IGSF21: variants seen among roughly 807,000 people sequenced by gnomAD.
The protein encoded by IGSF21 is immunoglobin superfamily member 21, also known as immunoglobulin superfamily member 21.
IGSF21 carries 28 observed loss-of-function variants against 46.8 expected under a neutral mutation model. That is an observed-to-expected ratio of 0.60 (90% CI 0.44 to 0.82). The LOEUF (loss-of-function observed/expected upper bound fraction) is 0.82. Among genes scored for constraint, IGSF21 ranks in the 40% least tolerant of loss-of-function variants. IGSF21 has a pLI of 0.00. For missense variants in IGSF21, 624 were observed against 665.5 expected, an observed-to-expected ratio of 0.94 and a Z score of 0.69; for synonymous variants, 284 against 273.6, an observed-to-expected ratio of 1.04 and a Z score of -0.38.
At chr1:18,222,482 G>A (rs914727634) in intron 1 of IGSF21, among the ~76,000 whole-genome samples, 3 of 152,144 alleles carry the variant, frequency 2.0e-5, no homozygotes, top group East Asian at 1.9e-4. Context: ...GTGCCACCTC[G>A]CCCTGATCCA....
At chr1:18,377,318 G>A (rs1467923330) in intron 8 of IGSF21, 75 bp from the exon 9 acceptor site, 4 of 1,306,820 alleles carry the variant, frequency 3.1e-6, no homozygotes, top group African/African-American at 1.5e-5. Context: ...AGCAGGTGCT[G>A]GGTAAAGGGC....
At chr1:18,357,905 C>T (rs189238558) in intron 4 of IGSF21, among the ~76,000 whole-genome samples, 97 of 152,280 alleles carry the variant, frequency 6.4e-4, no homozygotes, top group African/African-American at 2.3e-3. Flanking sequence ...ATCGTCCATA[C>T]AACTGAAATC....
At position 18,118,900 on chromosome 1, in the gene IGSF21, T is replaced by TTCCCTCCC. The variant is rs1168588944; in HGVS notation, c.70+10716_70+10723dup. Among the ~76,000 whole-genome samples the TTCCCTCCC allele has an allele frequency of 2.0e-5, 3 of 149,038 alleles. No individual in the cohort carries two copies. In the East Asian group the frequency reaches 6.0e-4, roughly 30 times the overall value. ...CTCCCTCCCTCCCTTCTTTCTTTCC[T>TTCCCTCCC]TCCCTCCCTCCCTCCCTCCCTTCCT... is the stretch of plus-strand genomic sequence containing the variant. On this transcript the variant is annotated intron_variant, in intron 1 of 9. Transcript: ENST00000251296.
intron 1 of IGSF21, among the ~76,000 whole-genome samples, chr1:18,152,532 T>G (rs2086529742): frequency 6.6e-6 from 1 of 152,218 alleles, no homozygotes; most frequent in Non-Finnish European, 1.5e-5. Flanking sequence ...GTGAGTCACT[T>G]GACCTCTCTG....
chr1:18,287,436 C>G (rs974366952), intron 2 of IGSF21, among the ~76,000 whole-genome samples: 14 of 152,000 alleles, frequency 9.2e-5, no homozygotes, highest in Non-Finnish European at 1.6e-4. Flanking sequence ...AAAATCCACC[C>G]ATCCTCATAG....
intron 1 of IGSF21, among the ~76,000 whole-genome samples, chr1:18,116,398 C>G (rs981884705): frequency 2.6e-5 from 4 of 152,226 alleles, no homozygotes; most frequent in Non-Finnish European, 5.9e-5. Flanking sequence ...AACAAAGTAT[C>G]CTTGGGCAAG....
intron 1 of IGSF21, among the ~76,000 whole-genome samples, chr1:18,214,717 C>G (rs1241738953): frequency 1.3e-5 from 2 of 152,038 alleles, no homozygotes; most frequent in Non-Finnish European, 2.9e-5. Context: ...AGAGAAAGTT[C>G]CACAATTTTT....
intron 4 of IGSF21, among the ~76,000 whole-genome samples, chr1:18,354,616 C>T (rs1227780080): frequency 2.6e-5 from 4 of 152,070 alleles, no homozygotes; most frequent in South Asian, 4.1e-4. Flanking sequence ...GAACTTGTCT[C>T]TCCCCTCCCC....
intron 6 of IGSF21, among the ~76,000 whole-genome samples, chr1:18,368,144 T>A (rs561491513): frequency 1.3e-5 from 2 of 151,958 alleles, no homozygotes; most frequent in Non-Finnish European, 2.9e-5. Flanking sequence ...TCACTCTGCC[T>A]CCTCACGGCG....
chr1:18,149,537 G>A (rs577641192), intron 1 of IGSF21, among the ~76,000 whole-genome samples: 4 of 152,004 alleles, frequency 2.6e-5, no homozygotes, highest in Admixed American at 6.5e-5. Flanking sequence ...CTGGGTGCCC[G>A]GCCAGCAAGA....
intron 3 of IGSF21, among the ~76,000 whole-genome samples, chr1:18,319,924 GTTCTATGAGGTCAGTGGT>G (rs573945631): frequency 1.3e-5 from 2 of 152,278 alleles, no homozygotes; most frequent in Non-Finnish European, 2.9e-5. Context: ...TAAAATACGA[GTTCTATGAGGTCAGTGGT>G]TTTGGTTTCT....
intron 4 of IGSF21, among the ~76,000 whole-genome samples, chr1:18,336,003 G>T (rs964133744): frequency 2.0e-5 from 3 of 152,132 alleles, no homozygotes. Flanking sequence ...CCTGGCCCTG[G>T]GTTGGCCACA....
At chr1:18,148,581 G>T (rs1413100839) in intron 1 of IGSF21, among the ~76,000 whole-genome samples, 1 of 152,168 alleles carries the variant, frequency 6.6e-6, no homozygotes, top group Non-Finnish European at 1.5e-5. Context: ...CTAGACTCTG[G>T]ACCACAACAC....
At chr1:18,345,424 G>A (rs370077372) in intron 4 of IGSF21, among the ~76,000 whole-genome samples, 13 of 152,086 alleles carry the variant, frequency 8.5e-5, no homozygotes, top group South Asian at 2.1e-4. Flanking sequence ...TCACTCTGTC[G>A]CCTAGGCTGG....
intron 1 of IGSF21, among the ~76,000 whole-genome samples, chr1:18,139,943 A>T (rs12026131): frequency 0.32 from 46,587 of 146,844 alleles, 8,167 homozygotes; most frequent in East Asian, 0.6. Context: ...CCTTTTTTTT[A>T]AAAAAAATAA....
chr1:18,333,545 A>G (rs574664752), intron 3 of IGSF21, among the ~76,000 whole-genome samples: 1 of 152,366 alleles, frequency 6.6e-6, no homozygotes, highest in Admixed American at 6.5e-5. Context: ...AGGAAGTAGC[A>G]TCTCCACTGT....
chr1:18,291,017 G>A (rs570281792), intron 2 of IGSF21, among the ~76,000 whole-genome samples: 13 of 152,202 alleles, frequency 8.5e-5, no homozygotes, highest in Non-Finnish European at 1.8e-4. Context: ...CTGCAGCCGA[G>A]TAAACAGATA....
intron 1 of IGSF21, among the ~76,000 whole-genome samples, chr1:18,199,529 G>A (rs1391768504): frequency 6.6e-6 from 1 of 152,092 alleles, no homozygotes; most frequent in African/African-American, 2.4e-5. Flanking sequence ...CCAGGCATCC[G>A]ACTCCACAGT....
At chr1:18,181,412 C>A (rs371206178) in intron 1 of IGSF21, among the ~76,000 whole-genome samples, 5 of 152,178 alleles carry the variant, frequency 3.3e-5, no homozygotes, top group African/African-American at 1.2e-4. Flanking sequence ...AATTTTCCAG[C>A]TTGAGCAGCC....
Sources: allele counts gnomAD v4.1 joint callset (sites outside exome capture counted in the v4.1 genomes callset), GRCh38; gene constraint gnomAD v4.1.1; transcripts MANE v1.5; gene names NCBI Gene and HGNC (gene_info 2026-07-23, HGNC 2026-07-21).